Variants in TTC22 observed in about 807,000 individuals in gnomAD.
TTC22 encodes tetratricopeptide repeat domain 22, also known as tetratricopeptide repeat protein 22.
In TTC22, 42 loss-of-function variants were observed where a neutral mutation model predicts 48.2. The observed-to-expected ratio is 0.87, with a 90% CI of 0.68 to 1.13. The LOEUF is 1.13. TTC22 is among the 50% of genes most tolerant of loss of function. The pLI is 0.00. For synonymous variants in TTC22, 345 were observed against 365.5 expected (o/e 0.94, Z 0.64); for missense variants, 784 against 807.0 (o/e 0.97, Z 0.34).
rs971276104 is a variant in TTC22, at chr1:54,780,966, T to C, written c.*277A>G. ...TCACAACCATCTTATTTTACCTGTA[T>C]GTCTAGAAAATTCTGTCCCTTAATT... On this transcript the variant is annotated 3_prime_UTR_variant, in exon 7 of 7. Coordinates refer to ENST00000371276, the MANE Select transcript of TTC22 (RefSeq NM_001114108.2). 1.2e-5 allele frequency: 4 copies of C among 332,294 alleles called. No individual in the cohort carries two copies. Among genetic ancestry groups the C allele is most frequent in the Non-Finnish European group, 1.6e-5 (3 of 183,326 alleles). 20.6% of individuals were successfully genotyped at this position (332,294 alleles called of 1,614,324 possible).
chr1:54,781,253 A>G lies in TTC22; in HGVS notation c.1700T>C (p.Val567Ala). 1 of 1,468,380 alleles carries G rather than the reference A, an allele frequency of 6.8e-7. No homozygotes were observed. 91.0% of individuals were successfully genotyped at this position (1,468,380 alleles called of 1,614,324 possible). ...GASAPRDRRA[V>A]SF ...CTGGGCACCTGAGCCCTAGAATGAG[A>G]CAGCCCGGCGGTCCCGCGGCGCGCT... is the stretch of plus-strand genomic sequence containing the variant. The change falls in exon 7 of 7, where the codon GTC (valine) becomes GCC (alanine). Residue 567 changes from valine to alanine, a missense_variant. Physicochemically the swap from Val to Ala is moderately conservative, Grantham distance 64. Transcript: ENST00000371276.
At chr1:54,800,559 T>A (rs905395803) in intron 1 of TTC22, 38 bp downstream of exon 1, 2 of 1,418,162 alleles carry the variant, frequency 1.4e-6, no homozygotes, top group Non-Finnish European at 1.8e-6. Flanking sequence ...AGGACCACAG[T>A]CCTCCCAGAG....
chr1:54,789,071 G>A (rs1410123141), intron 1 of TTC22, among the ~76,000 whole-genome samples: 1 of 152,222 alleles, frequency 6.6e-6, no homozygotes, highest in African/African-American at 2.4e-5. Context: ...ATTTTATAGT[G>A]GAACATATTG....
intron 1 of TTC22, among the ~76,000 whole-genome samples, chr1:54,788,505 C>G (rs1232683285): frequency 1.3e-5 from 2 of 152,154 alleles, no homozygotes. Context: ...TTAAGTGAGC[C>G]CAGCTCAGCT....
chr1:54,790,252 A>C (rs1646339703), intron 1 of TTC22, among the ~76,000 whole-genome samples: 1 of 152,228 alleles, frequency 6.6e-6, no homozygotes, highest in Non-Finnish European at 1.5e-5. Flanking sequence ...CAGTGGTGCA[A>C]GTCCATAGTC....
Sources: allele counts gnomAD v4.1 joint callset (sites outside exome capture counted in the v4.1 genomes callset), GRCh38; gene constraint gnomAD v4.1.1; transcripts MANE v1.5; gene names NCBI Gene and HGNC (gene_info 2026-07-23, HGNC 2026-07-21).